The following PSD3 variants were observed in gnomAD, a reference collection of about 807,000 sequenced individuals.
PSD3 encodes PH and SEC7 domain-containing protein 3.
Under a neutral mutation model 105.5 loss-of-function variants are expected in PSD3, and 49 were observed. That is an observed-to-expected ratio of 0.46 (90% CI 0.37 to 0.59). The LOEUF (loss-of-function observed/expected upper bound fraction) is 0.59, where lower values mean the gene tolerates loss of function less well. Ranked by LOEUF, PSD3 falls within the 20% of genes least tolerant of loss-of-function variation. PSD3 has a pLI of 0.00. For missense variants in PSD3, 1,561 were observed against 1,263.8 expected (o/e 1.24, Z -3.57); for synonymous variants, 557 against 457.8 (o/e 1.22, Z -2.77).
chr8:18,697,399 C>A (rs936573517), intron 9 of PSD3, among the ~76,000 whole-genome samples: 9 of 152,166 alleles, frequency 5.9e-5, no homozygotes, highest in Non-Finnish European at 1.2e-4. Flanking sequence ...AAAACATTTT[C>A]TCTTAAATAT....
intron 9 of PSD3, among the ~76,000 whole-genome samples, chr8:18,744,861 C>T (rs1374522066): frequency 6.6e-6 from 1 of 152,210 alleles, no homozygotes. Flanking sequence ...TTCTTAGTCT[C>T]CTCCATTTGG....
intron 9 of PSD3, among the ~76,000 whole-genome samples, chr8:18,757,264 C>A (rs548611018): frequency 1.6e-3 from 242 of 150,950 alleles, no homozygotes; most frequent in African/African-American, 5.6e-3. Context: ...ACCAGCCTTG[C>A]CAACATGGTA....
At chr8:18,708,170 C>T (rs1802013365) in intron 9 of PSD3, among the ~76,000 whole-genome samples, 1 of 152,178 alleles carries the variant, frequency 6.6e-6, no homozygotes, top group African/African-American at 2.4e-5. Flanking sequence ...TCACTTTAAA[C>T]CTCAGACTTA....
chr8:18,979,003 G>T (rs1053539246), intron 1 of PSD3, among the ~76,000 whole-genome samples: 3 of 152,104 alleles, frequency 2.0e-5, no homozygotes, highest in Admixed American at 2.0e-4. Flanking sequence ...GTTCCTTCTG[G>T]AGTTCGCTAT....
Position 19,044,897 on chromosome 8 carries a change from T to C in PSD3, c.324+39309A>G, listed in dbSNP as rs192820108. ...GAGATGAGACTTTTAAGAAAAGTAA[T>C]GTCCAGGCTGGGCATGGCGGATCAT... is the stretch of plus-strand genomic sequence containing the variant. On this transcript the variant is annotated intron_variant, in intron 1 of 1. Transcript: ENST00000521475. 3.9e-5 allele frequency among the ~76,000 whole-genome samples: 6 copies of C among 152,208 alleles called. No homozygotes were observed. The East Asian group carries it at 1.2e-3, about 29-fold the overall frequency.
intron 9 of PSD3, among the ~76,000 whole-genome samples, chr8:18,735,682 A>G (rs960765196): frequency 1.3e-5 from 2 of 152,150 alleles, no homozygotes; most frequent in African/African-American, 4.8e-5. Context: ...GAATCAGACA[A>G]GGACTAAGAA....
At chr8:19,071,482 G>T (rs1829259791) in intron 1 of PSD3, among the ~76,000 whole-genome samples, 1 of 152,144 alleles carries the variant, frequency 6.6e-6, no homozygotes, top group African/African-American at 2.4e-5. Context: ...ACATAGAAGA[G>T]GTTAGAAATG....
At chr8:18,764,377 C>A (rs1419374632) in intron 9 of PSD3, among the ~76,000 whole-genome samples, 5 of 152,170 alleles carry the variant, frequency 3.3e-5, no homozygotes, top group Admixed American at 1.3e-4. Context: ...GAAATGGCAG[C>A]ACTTGCTGTA....
intron 9 of PSD3, among the ~76,000 whole-genome samples, chr8:18,708,726 C>T (rs1802051146): frequency 1.3e-5 from 2 of 152,030 alleles, no homozygotes; most frequent in Admixed American, 6.6e-5. Flanking sequence ...TCCTCTGTGG[C>T]TCCCACCCAG....
At chr8:18,782,236 T>A (rs1271493954) in intron 8 of PSD3, among the ~76,000 whole-genome samples, 3 of 152,140 alleles carry the variant, frequency 2.0e-5, no homozygotes, top group Non-Finnish European at 4.4e-5. Context: ...GCTTCCTTGA[T>A]TTCTCATGTT....
chr8:18,722,287 T>A (rs1803036360), intron 9 of PSD3, among the ~76,000 whole-genome samples: 1 of 152,184 alleles, frequency 6.6e-6, no homozygotes, highest in Non-Finnish European at 1.5e-5. Context: ...GTTCCCTTTT[T>A]TAAAGCAGCA....
chr8:18,822,835 A>G (rs1275161972), intron 4 of PSD3, among the ~76,000 whole-genome samples: 2 of 152,190 alleles, frequency 1.3e-5, no homozygotes, highest in African/African-American at 4.8e-5. Context: ...CAAATAAAAA[A>G]ATCCATGTCA....
intron 1 of PSD3, among the ~76,000 whole-genome samples, chr8:19,044,333 T>C (rs1828239424): frequency 6.6e-6 from 1 of 152,200 alleles, no homozygotes. Flanking sequence ...TTTGATTATA[T>C]AATTGCCCTT....
At chr8:18,963,878 A>T (rs1195216189) in intron 1 of PSD3, among the ~76,000 whole-genome samples, 1 of 152,158 alleles carries the variant, frequency 6.6e-6, no homozygotes, top group East Asian at 1.9e-4. Context: ...CATTTACCCT[A>T]CATATTCTAT....
chr8:18,843,877 G>C (rs1014300722), intron 4 of PSD3, among the ~76,000 whole-genome samples: 1 of 151,410 alleles, frequency 6.6e-6, no homozygotes, highest in African/African-American at 2.4e-5. Context: ...AATATCTCCA[G>C]GAAGTAGGTC....
intron 15 of PSD3, among the ~76,000 whole-genome samples, chr8:18,544,839 A>C (rs1022977782): frequency 2.6e-5 from 4 of 151,848 alleles, no homozygotes; most frequent in Non-Finnish European, 5.9e-5. Context: ...GCTCTATCTT[A>C]CTCTTCAGTG....
intron 9 of PSD3, among the ~76,000 whole-genome samples, chr8:18,666,724 T>TGGGGG (rs1339897600): frequency 1.5e-5 from 2 of 136,400 alleles, no homozygotes; most frequent in Admixed American, 7.8e-5. Flanking sequence ...TGCTTTTTTT[T>TGGGGG]GGGGGGTGGG....
chr8:18,653,673 G>C (rs547782676), intron 10 of PSD3, among the ~76,000 whole-genome samples: 11 of 151,610 alleles, frequency 7.3e-5, no homozygotes, highest in African/African-American at 2.7e-4. Context: ...GTAAACTCCC[G>C]CCCCTCCACC....
At chr8:18,641,143 G>A (rs944672585) in intron 10 of PSD3, among the ~76,000 whole-genome samples, 16 of 152,286 alleles carry the variant, frequency 1.1e-4, no homozygotes, top group Non-Finnish European at 1.2e-4. Context: ...GAAGGGTAGG[G>A]GTTATAAATC....
Sources: allele counts gnomAD v4.1 joint callset (sites outside exome capture counted in the v4.1 genomes callset), GRCh38; gene constraint gnomAD v4.1.1; transcripts MANE v1.5; gene names NCBI Gene and HGNC (gene_info 2026-07-23, HGNC 2026-07-21).